The following ERVK3-1 variants were observed in gnomAD, a reference collection of about 807,000 sequenced individuals.
ERVK3-1 encodes endogenous retrovirus group K3 member 1, also known as HERV-K(HML6-1).
intron 2 of ERVK3-1, among the ~76,000 whole-genome samples, chr19:58,308,348 A>G (rs994776527): frequency 1.3e-5 from 2 of 152,250 alleles, no homozygotes; most frequent in Admixed American, 6.5e-5. Flanking sequence ...GGCCCCTGCT[A>G]CTAACCTCTG....
At chr19:58,307,411 G>A (rs1600469950) in intron 2 of ERVK3-1, among the ~76,000 whole-genome samples, 1 of 152,202 alleles carries the variant, frequency 6.6e-6, no homozygotes, top group South Asian at 2.1e-4. Context: ...CTCAAAGCCT[G>A]TCAGGATGTG....
At position 58,310,210 on chromosome 19, in the gene ERVK3-1, T is replaced by A. The variant is rs2051547389; in HGVS notation, c.-3-1956T>A. ...TATTAATATTGTCTGTAATTCAGCC[T>A]ATGTCGTAAATGTAGCTAGTTGCAT... On this transcript the variant is annotated intron_variant, in intron 2 of 3. Coordinates refer to ENST00000413518, the Ensembl canonical transcript of ERVK3-1. This position sits in a 1 kb window ranked among gnomAD's most constrained non-coding sequence, Gnocchi z 4.7. The A allele has an allele frequency of 6.6e-6, 1 of 152,302 alleles. No individual in the cohort carries two copies. Among genetic ancestry groups the A allele is most frequent in the South Asian group, 2.1e-4 (1 of 4,834 alleles). 9.4% of individuals were successfully genotyped at this position (152,302 alleles called of 1,614,324 possible). A position where few individuals can be genotyped will look rare whatever the true frequency, so the allele number is the denominator to read the frequency against.
intron 3 of ERVK3-1, 122 bp from the exon 4 acceptor site, chr19:58,314,626 C>CAAA (rs58275693): frequency 5.8e-4 from 34 of 58,912 alleles, no homozygotes; most frequent in South Asian, 8.7e-4. Flanking sequence ...GACTCCATCT[C>CAAA]AAAAAAAAAA....
intron 2 of ERVK3-1, chr19:58,311,860 A>G (rs1568533792): frequency 9.5e-6 from 2 of 210,138 alleles, no homozygotes; most frequent in Non-Finnish European, 1.9e-5. Flanking sequence ...GGAATTCCAT[A>G]CAATCCCTGA....
At chr19:58,316,427 A>G (rs1047655212), downstream of ERVK3-1, among the ~76,000 whole-genome samples, 12 of 152,172 alleles carry the variant, frequency 7.9e-5, no homozygotes, top group Non-Finnish European at 5.9e-5. Flanking sequence ...CTGTAATCCC[A>G]GCATTTTGGG....
chr19:58,311,921 A>G, intron 2 of ERVK3-1: 1 of 323,502 alleles, frequency 3.1e-6, no homozygotes, highest in Non-Finnish European at 5.6e-6. Context: ...GCATGCTGAA[A>G]AAACAAAAAG....
exon 4 of ERVK3-1, chr19:58,315,080 A>G (rs904839830): frequency 3.3e-6 from 1 of 304,230 alleles, no homozygotes; most frequent in Non-Finnish European, 6.0e-6. Context: ...TGTTAAATCA[A>G]ATAGCTGACC....
intron 2 of ERVK3-1, among the ~76,000 whole-genome samples, chr19:58,308,151 T>A (rs1019485109): frequency 1.3e-5 from 2 of 152,186 alleles, no homozygotes; most frequent in Non-Finnish European, 2.9e-5. Flanking sequence ...TCTCTGCAAA[T>A]TACACCCTTC....
chr19:58,315,682 T>G (rs1189478039), downstream of ERVK3-1: 1 of 152,158 alleles, frequency 6.6e-6, no homozygotes, highest in Non-Finnish European at 1.5e-5. Context: ...GATGTATATT[T>G]TTAATTTGGG....
rs563906761 is a variant in ERVK3-1, at chr19:58,307,210, C to T, written c.-4+994C>T. On this transcript the variant is annotated intron_variant, in intron 2 of 3. Transcript: ENST00000413518. Reference sequence around the variant, plus strand: ...AAAGGGGTCTCAATAAAATCTTTTCCGCATATCATGCAAAAATCACAGGAG... The same window carrying T: ...AAAGGGGTCTCAATAAAATCTTTTCTGCATATCATGCAAAAATCACAGGAG... Among the ~76,000 whole-genome samples the T allele has an allele frequency of 8.5e-5, 13 of 152,304 alleles. No homozygotes were observed. The East Asian group carries it at 9.6e-4, about 11-fold the overall frequency.
chr19:58,306,905 A>G (rs1293438839), intron 2 of ERVK3-1, among the ~76,000 whole-genome samples: 1 of 152,246 alleles, frequency 6.6e-6, no homozygotes, highest in Non-Finnish European at 1.5e-5. Context: ...GGATTGTTAG[A>G]ATCTGTATTC....
In ERVK3-1 at chr19:58,311,775, A is replaced by G. The variant is rs1414884923; in HGVS notation, c.-3-391A>G. Reference sequence around the variant, plus strand: ...ATATGGGGGTCCCTAAACAATTTAAAACTGACAGTGGACTCGCTTATGTTA... The same window carrying G: ...ATATGGGGGTCCCTAAACAATTTAAGACTGACAGTGGACTCGCTTATGTTA... On this transcript the variant is annotated intron_variant, in intron 2 of 3. Coordinates refer to ENST00000413518, the Ensembl canonical transcript of ERVK3-1. 9 of 156,870 alleles carry G rather than the reference A, an allele frequency of 5.7e-5. No homozygotes were observed. In the East Asian group the frequency reaches 1.7e-3, roughly 29 times the overall value. The allele number at this position is 156,870 out of a possible 1,614,324, so 9.7% of individuals were successfully genotyped here. A position where few individuals can be genotyped will look rare whatever the true frequency, so the allele number is the denominator to read the frequency against.
rs1391290083 is a variant in ERVK3-1, at chr19:58,313,834, C to T, written c.295-914C>T. The stretch of plus-strand genomic sequence containing the variant: ...TACATTTTGTAAAACTCCTTCTTAC[C>T]CAGCTCACTCATCGTGCACGTAAAG... On this transcript the variant is annotated intron_variant, in intron 3 of 3. Coordinates refer to ENST00000413518, the Ensembl canonical transcript of ERVK3-1. The surrounding 1 kb of genome is among the most constrained non-coding windows in gnomAD (Gnocchi z 4.5). 6.6e-6 allele frequency among the ~76,000 whole-genome samples: 1 copy of T among 152,168 alleles called. No individual in the cohort carries two copies. The highest frequency in any genetic ancestry group is 2.4e-5 in the African/African-American group (1 of 41,440).
chr19:58,305,857 A>C (rs1265787243), intron 1 of ERVK3-1, among the ~76,000 whole-genome samples: 1 of 152,182 alleles, frequency 6.6e-6, no homozygotes, highest in Admixed American at 6.5e-5. Context: ...ATCTACAGGA[A>C]CATCTGGAAC....
Position 58,312,558 on chromosome 19 carries a change from G to C in ERVK3-1, c.294+96G>C, listed in dbSNP as rs2051563276. The C allele has an allele frequency of 5.0e-6, 2 of 398,728 alleles. No individual in the cohort carries two copies. Among genetic ancestry groups the C allele is most frequent in the Admixed American group, 4.4e-5 (1 of 22,714 alleles). The allele number at this position is 398,728 out of a possible 1,614,324, so 24.7% of individuals were successfully genotyped here. Reference sequence around the variant, plus strand: ...TACTCTGGAGCGACACTCCTCCTGAGATATATTATGATCAGGGAGCGTGGG... The same window carrying C: ...TACTCTGGAGCGACACTCCTCCTGACATATATTATGATCAGGGAGCGTGGG... On this transcript the variant is annotated intron_variant, in intron 3 of 3. Coordinates refer to ENST00000413518, the Ensembl canonical transcript of ERVK3-1. The surrounding 1 kb of genome is among the most constrained non-coding windows in gnomAD (Gnocchi z 4.7).
intron 2 of ERVK3-1, among the ~76,000 whole-genome samples, chr19:58,307,435 A>G (rs1199041395): frequency 6.6e-6 from 1 of 152,240 alleles, no homozygotes; most frequent in African/African-American, 2.4e-5. Context: ...ACTGAACTCC[A>G]TCGTTCAACT....
intron 3 of ERVK3-1, among the ~76,000 whole-genome samples, chr19:58,314,081 G>A (rs865857792): frequency 9.2e-5 from 14 of 152,168 alleles, no homozygotes; most frequent in African/African-American, 2.9e-4. Flanking sequence ...GGGAAAGCAG[G>A]TACAAAGTTT....
downstream of ERVK3-1, among the ~76,000 whole-genome samples, chr19:58,316,157 C>T (rs989012779): frequency 6.6e-6 from 1 of 152,152 alleles, no homozygotes; most frequent in Non-Finnish European, 1.5e-5. Context: ...CCCTCTAAAA[C>T]ACACCCTGCT....
chr19:58,316,478 T>C (rs117351290), downstream of ERVK3-1, among the ~76,000 whole-genome samples: 987 of 152,166 alleles, frequency 6.5e-3, 4 homozygotes, highest in Middle Eastern at 0.014. Context: ...GAGACCAGCC[T>C]GGCCAACATG....
Sources: gnomAD v4.1 joint callset for allele counts (sites outside exome capture counted in the v4.1 genomes callset) on GRCh38, gnomAD v4.1.1 for gene constraint, Gnocchi (gnomAD v3.1) non-coding constraint, MANE v1.5 for transcripts, NCBI Gene and HGNC (gene_info 2026-07-23, HGNC 2026-07-21) for gene names.